FARP1: variants seen among roughly 807,000 people sequenced by gnomAD.
The protein encoded by FARP1 is FERM, ARH/RhoGEF and pleckstrin domain protein 1, also known as FERM, ARHGEF and pleckstrin domain-containing protein 1.
A neutral mutation model predicts 128.8 loss-of-function variants in FARP1; 52 were observed. That is an observed-to-expected ratio of 0.40 (90% CI 0.32 to 0.51). The LOEUF (loss-of-function observed/expected upper bound fraction) is 0.51. Among genes scored for constraint, FARP1 ranks in the 20% least tolerant of loss-of-function variants. The pLI is 0.45. For missense variants in FARP1, 1,333 were observed against 1,367.9 expected, an observed-to-expected ratio of 0.97 and a Z score of 0.40; for synonymous variants, 580 against 551.8, an observed-to-expected ratio of 1.05 and a Z score of -0.72.
intron 7 of FARP1, 93 bp downstream of exon 7, chr13:98,384,937 C>G (rs1205181023): frequency 2.6e-6 from 2 of 757,406 alleles, no homozygotes; most frequent in African/African-American, 1.7e-5. Flanking sequence ...CCCACACAAA[C>G]TATTGTGGAG....
intron 16 of FARP1, among the ~76,000 whole-genome samples, chr13:98,417,091 T>A (rs563790916): frequency 2.7e-4 from 41 of 151,854 alleles, no homozygotes; most frequent in Non-Finnish European, 5.6e-4. Flanking sequence ...TTGAACACAG[T>A]CAGCTCAGAG....
At chr13:98,417,594 G>A (rs1169517506) in intron 16 of FARP1, among the ~76,000 whole-genome samples, 4 of 152,144 alleles carry the variant, frequency 2.6e-5, no homozygotes, top group African/African-American at 4.8e-5. Flanking sequence ...AGCAGACTCC[G>A]GGCAGGAGGA....
Position 98,153,286 on chromosome 13 carries a change from A to T in FARP1, c.-24+9794A>T, listed in dbSNP as rs572507648. Among the ~76,000 whole-genome samples the T allele has an allele frequency of 3.6e-4, 6 of 16,726 alleles. No individual in the cohort carries two copies. The South Asian group carries it at 0.03, about 84-fold the overall frequency. 11.0% of individuals were successfully genotyped at this position (16,726 alleles called of 152,430 possible). A position where few individuals can be genotyped will look rare whatever the true frequency, so the allele number is the denominator to read the frequency against. ...TAATAATAACCTTTATATATATATA[A>T]AATATATATAAATATATTTATATAT... On this transcript the variant is annotated intron_variant, in intron 1 of 26. Transcript: ENST00000319562.
chr13:98,345,466 G>A (rs1247678941), intron 3 of FARP1: 1 of 152,196 alleles, frequency 6.6e-6, no homozygotes, highest in East Asian at 1.9e-4. Context: ...GAATTTGTAA[G>A]CCTATTGTTC....
chr13:98,276,524 T>G (rs1161970166), intron 2 of FARP1, among the ~76,000 whole-genome samples: 1 of 152,140 alleles, frequency 6.6e-6, no homozygotes, highest in East Asian at 1.9e-4. Context: ...GCTAAACAAA[T>G]GTAAAAATAA....
intron 2 of FARP1, among the ~76,000 whole-genome samples, chr13:98,308,977 G>A (rs983033247): frequency 4.6e-5 from 7 of 151,918 alleles, no homozygotes; most frequent in Admixed American, 2.0e-4. Context: ...CACTATGCCC[G>A]GCCAATAGGT....
At chr13:98,245,635 T>G (rs1883011528) in intron 2 of FARP1, among the ~76,000 whole-genome samples, 1 of 152,232 alleles carries the variant, frequency 6.6e-6, no homozygotes, top group Non-Finnish European at 1.5e-5. Flanking sequence ...GGAATCTTTT[T>G]GGGTTAATAG....
At chr13:98,200,003 A>G (rs542342665) in intron 1 of FARP1, among the ~76,000 whole-genome samples, 35 of 152,316 alleles carry the variant, frequency 2.3e-4, no homozygotes, top group African/African-American at 7.9e-4. Flanking sequence ...CTTCCATTCT[A>G]CACATTTTTG....
chr13:98,270,141 A>G (rs1884322369), intron 2 of FARP1, among the ~76,000 whole-genome samples: 2 of 152,196 alleles, frequency 1.3e-5, no homozygotes, highest in Admixed American at 6.5e-5. Flanking sequence ...CTTTATGTTT[A>G]TCTTGAATAC....
At chr13:98,417,455 G>GGAA (rs1491453247) in intron 16 of FARP1, among the ~76,000 whole-genome samples, 1 of 58,454 alleles carries the variant, frequency 1.7e-5, no homozygotes, top group Admixed American at 2.3e-4. Flanking sequence ...CCAGAGGTTT[G>GGAA]AAAAAAAAAA....
intron 2 of FARP1, among the ~76,000 whole-genome samples, chr13:98,266,030 G>A (rs1372306177): frequency 1.3e-5 from 2 of 152,118 alleles, no homozygotes; most frequent in Non-Finnish European, 2.9e-5. Flanking sequence ...AACAGCCAAA[G>A]GACTTGAAAG....
chr13:98,200,608 G>A (rs1328426030), intron 1 of FARP1, among the ~76,000 whole-genome samples: 37 of 152,152 alleles, frequency 2.4e-4, no homozygotes, highest in Admixed American at 2.4e-3. Flanking sequence ...CCTAAGTTGA[G>A]ACTAGAGCTG....
intron 2 of FARP1, among the ~76,000 whole-genome samples, chr13:98,283,930 G>C (rs531629191): frequency 6.6e-6 from 1 of 152,214 alleles, no homozygotes; most frequent in Non-Finnish European, 1.5e-5. Context: ...AATCTATGCT[G>C]TGCAGTGTGG....
In FARP1 at chr13:98,252,541, C is replaced by T. The variant is rs374087687; in HGVS notation, c.171+39128C>T. 5.9e-5 allele frequency among the ~76,000 whole-genome samples: 9 copies of T among 152,324 alleles called. No homozygotes were observed. The East Asian group carries it at 1.3e-3, about 23-fold the overall frequency. ...TGGCCCAGCTAATGGACAGGAGTGC[C>T]CTGGTGGCAGATGGTCTGGCTTGAC... On this transcript the variant is annotated intron_variant, in intron 2 of 26. Transcript: ENST00000319562.
In FARP1 at chr13:98,454,867, A is replaced by C. The variant is rs575734519; in HGVS notation, c.*6550A>C. 1.3e-5 allele frequency: 2 copies of C among 152,394 alleles called. No individual in the cohort carries two copies. Among genetic ancestry groups the C allele is most frequent in the South Asian group, 4.1e-4 (2 of 4,830 alleles). 9.4% of individuals were successfully genotyped at this position (152,394 alleles called of 1,614,324 possible). ...AGCTCATCTGAGGACAGAGGAGGAA[A>C]GAGGGCACTCCTCATCACAGACAAA... On this transcript the variant is annotated 3_prime_UTR_variant, in exon 27 of 27. Coordinates refer to ENST00000319562, the MANE Select transcript of FARP1 (RefSeq NM_005766.4).
At chr13:98,159,294 G>A (rs1876706528) in intron 1 of FARP1, among the ~76,000 whole-genome samples, 1 of 152,116 alleles carries the variant, frequency 6.6e-6, no homozygotes, top group Admixed American at 6.6e-5. Flanking sequence ...TAGACTATAC[G>A]GTATTATGCC....
chr13:98,372,407 C>T (rs192593384), intron 5 of FARP1, among the ~76,000 whole-genome samples: 265 of 152,202 alleles, frequency 1.7e-3, no homozygotes, highest in African/African-American at 5.7e-3. Flanking sequence ...TTTTTCTTAT[C>T]GTGTGGCTTG....
At chr13:98,153,519 TTA>T (rs367955830) in intron 1 of FARP1, among the ~76,000 whole-genome samples, 3,951 of 20,860 alleles carry the variant, frequency 0.19, 232 homozygotes, top group Middle Eastern at 0.21. Context: ...AAATATATAT[TTA>T]TATATATATT....
intron 2 of FARP1, among the ~76,000 whole-genome samples, chr13:98,320,316 A>T (rs1886933754): frequency 6.6e-6 from 1 of 152,198 alleles, no homozygotes; most frequent in Admixed American, 6.5e-5. Context: ...TACTCTCCGT[A>T]CAATCTGGAT....
Sources: gnomAD v4.1 joint callset for allele counts (sites outside exome capture counted in the v4.1 genomes callset) on GRCh38, gnomAD v4.1.1 for gene constraint, MANE v1.5 for transcripts, NCBI Gene and HGNC (gene_info 2026-07-23, HGNC 2026-07-21) for gene names.